The following TENM2 variants were observed in gnomAD, a reference collection of about 807,000 sequenced individuals.
The protein encoded by TENM2 is teneurin transmembrane protein 2.
TENM2 carries 52 observed loss-of-function variants against 245.2 expected under a neutral mutation model. That is an observed-to-expected ratio of 0.21 (90% CI 0.17 to 0.27). TENM2 has a LOEUF of 0.27. TENM2 is among the 10% of genes least tolerant of loss of function. The pLI, the probability that TENM2 is intolerant of heterozygous loss-of-function variation, is 1.00. For missense variants in TENM2, 3,046 were observed against 3,666.8 expected (o/e 0.83, Z 4.37); for synonymous variants, 1,363 against 1,438.9 (o/e 0.95, Z 1.19).
intron 2 of TENM2, among the ~76,000 whole-genome samples, chr5:167,635,973 T>C (rs1369319879): frequency 2.0e-5 from 3 of 152,168 alleles, no homozygotes; most frequent in Non-Finnish European, 4.4e-5. Context: ...CACACTTAAC[T>C]TTATATACTT....
chr5:167,795,552 A>G (rs1037505085), intron 2 of TENM2, among the ~76,000 whole-genome samples: 2 of 152,170 alleles, frequency 1.3e-5, no homozygotes, highest in African/African-American at 4.8e-5. Context: ...GGACCTCTCT[A>G]TGGTAGAAAT....
the TENM2 span, among the ~76,000 whole-genome samples, chr5:167,206,359 T>C: frequency 6.6e-6 from 1 of 152,194 alleles, no homozygotes; most frequent in Non-Finnish European, 1.5e-5. Flanking sequence ...AAAGCTCTCA[T>C]GAGGGGAGGA....
intron 1 of TENM2, among the ~76,000 whole-genome samples, chr5:167,373,907 A>G (rs1760588697): frequency 6.6e-6 from 1 of 152,242 alleles, no homozygotes; most frequent in Non-Finnish European, 1.5e-5. Context: ...TTTATAGAAC[A>G]TGACAACGTG....
rs73803220 is a variant in TENM2, at chr5:167,827,628, C to T, written c.503-48358C>T. On this transcript the variant is annotated intron_variant, in intron 2 of 28. Coordinates refer to ENST00000518659, the Ensembl canonical transcript of TENM2. ...TTATTATGGCAAGGAGCTAGGTGGG[C>T]GGGGGGGGGGGAACAGTTTAATGAG... 9.9e-4 allele frequency among the ~76,000 whole-genome samples: 34 copies of T among 34,242 alleles called. 1 individual carries two copies. The highest frequency in any genetic ancestry group is 3.7e-3 in the African/African-American group (33 of 8,970). The allele number at this position is 34,242 out of a possible 152,430, so 22.5% of individuals were successfully genotyped here.
the TENM2 span, among the ~76,000 whole-genome samples, chr5:166,993,740 G>C: frequency 6.6e-6 from 1 of 152,174 alleles, no homozygotes; most frequent in South Asian, 2.1e-4. Flanking sequence ...GGGTTTTAAA[G>C]TTATGCCAGG....
chr5:167,217,713 GATAT>G, the TENM2 span, among the ~76,000 whole-genome samples: 899 of 141,174 alleles, frequency 6.4e-3, 7 homozygotes, highest in African/African-American at 0.021. Flanking sequence ...TGTAATGAGT[GATAT>G]ATATATATAT....
At chr5:167,937,460 G>T (rs1778812053) in intron 3 of TENM2, among the ~76,000 whole-genome samples, 1 of 152,170 alleles carries the variant, frequency 6.6e-6, no homozygotes, top group Admixed American at 6.5e-5. Flanking sequence ...TTTCCAGACT[G>T]GCTGTCTCAT....
At chr5:167,754,810 C>G in intron 2 of TENM2, 2 of 384,416 alleles carry the variant, frequency 5.2e-6, no homozygotes, top group Non-Finnish European at 9.3e-6. Context: ...GCAGGACTTG[C>G]GGTTGGCATT....
At chr5:167,162,792 G>GA in the TENM2 span, among the ~76,000 whole-genome samples, 21 of 152,272 alleles carry the variant, frequency 1.4e-4, no homozygotes, top group Admixed American at 1.4e-3. Context: ...GTGCATTTCA[G>GA]AAAAATGCGT....
intron 1 of TENM2, among the ~76,000 whole-genome samples, chr5:167,307,284 G>A (rs989414277): frequency 3.9e-4 from 59 of 152,166 alleles, no homozygotes; most frequent in Non-Finnish European, 1.9e-4. Flanking sequence ...ACGGGTGAGC[G>A]ATTTTTGACT....
chr5:166,980,403 G>A, the TENM2 span, among the ~76,000 whole-genome samples: 2 of 152,114 alleles, frequency 1.3e-5, no homozygotes, highest in Admixed American at 6.5e-5. Flanking sequence ...CATAATGAAT[G>A]CAAATTGAAC....
At chr5:168,133,393 G>T (rs572396757) in intron 12 of TENM2, among the ~76,000 whole-genome samples, 1 of 152,280 alleles carries the variant, frequency 6.6e-6, no homozygotes, top group African/African-American at 2.4e-5. Flanking sequence ...ACTGAATTTA[G>T]AACACATTTG....
In TENM2 at chr5:167,379,397, C is replaced by T. The variant is rs1054510824; in HGVS notation, c.502+3924C>T. On this transcript the variant is annotated intron_variant, in intron 2 of 28. Coordinates refer to ENST00000518659, the Ensembl canonical transcript of TENM2. Reference sequence around the variant, plus strand: ...GGGAAGGAAGGATTTTCCTTAGCACCGGGGACAATGTCCTTAGATTGTTAC... The same window carrying T: ...GGGAAGGAAGGATTTTCCTTAGCACTGGGGACAATGTCCTTAGATTGTTAC... Among the ~76,000 whole-genome samples, 16 of 152,110 alleles carry T rather than the reference C, an allele frequency of 1.1e-4. No homozygotes were observed. The East Asian group carries it at 1.7e-3, about 17-fold the overall frequency.
At chr5:168,253,520 G>A (rs1022694603) in intron 27 of TENM2, among the ~76,000 whole-genome samples, 9 of 151,142 alleles carry the variant, frequency 6.0e-5, no homozygotes, top group Admixed American at 4.6e-4. Flanking sequence ...CCGCCTCACG[G>A]GTTCACACCA....
chr5:168,024,695 T>G (rs149572872), intron 5 of TENM2, among the ~76,000 whole-genome samples: 1 of 152,254 alleles, frequency 6.6e-6, no homozygotes, highest in Non-Finnish European at 1.5e-5. Context: ...CTACAGTAAG[T>G]GTGATCATGC....
At chr5:167,783,976 G>A (rs573099253) in intron 2 of TENM2, among the ~76,000 whole-genome samples, 1 of 152,264 alleles carries the variant, frequency 6.6e-6, no homozygotes, top group African/African-American at 2.4e-5. Flanking sequence ...AAATAAGAGG[G>A]AGATTGAGGG....
At chr5:167,872,552 A>AG (rs1773061793) in intron 2 of TENM2, among the ~76,000 whole-genome samples, 6 of 48,418 alleles carry the variant, frequency 1.2e-4, no homozygotes, top group African/African-American at 3.3e-4. Context: ...AAGAAAGAGA[A>AG]AGAAAGAAAG....
intron 5 of TENM2, among the ~76,000 whole-genome samples, chr5:168,014,848 A>C (rs562940388): frequency 6.6e-6 from 1 of 152,150 alleles, no homozygotes; most frequent in Non-Finnish European, 1.5e-5. Context: ...CCAGAGATGA[A>C]GAAGGGCTCT....
rs1458771362 is a variant in TENM2 at position 167,303,645 on chromosome 5, T to C, written c.226+18582T>C. ...ATGTGTACCTGCAGGTCACAGGGGA[T>C]ATGATGGCTTAGCTTGGGCTCAGAG... On this transcript the variant is annotated intron_variant, in intron 1 of 28. Coordinates refer to ENST00000518659, the Ensembl canonical transcript of TENM2. Among the ~76,000 whole-genome samples, 4 of 152,284 alleles carry C rather than the reference T, an allele frequency of 2.6e-5. No homozygotes were observed. The East Asian group carries it at 5.8e-4, about 22-fold the overall frequency.
Sources: allele counts gnomAD v4.1 joint callset (sites outside exome capture counted in the v4.1 genomes callset), GRCh38; gene constraint gnomAD v4.1.1; transcripts MANE v1.5; gene names NCBI Gene and HGNC (gene_info 2026-07-23, HGNC 2026-07-21).